ESRRG: variants seen among roughly 807,000 people sequenced by gnomAD.
The protein encoded by ESRRG is estrogen related receptor gamma.
A neutral mutation model predicts 44.0 loss-of-function variants in ESRRG; 13 were observed. That is an observed-to-expected ratio of 0.30 (90% confidence interval 0.19 to 0.47). The LOEUF (loss-of-function observed/expected upper bound fraction) is 0.47. ESRRG is among the 20% of genes least tolerant of loss of function. The probability of loss-of-function intolerance (pLI) is 1.00; values close to 1 mark genes in which losing one functional copy is unlikely to be tolerated. For missense variants in ESRRG, 395 were observed against 580.6 expected, an observed-to-expected ratio of 0.68 and a Z score of 3.29; for synonymous variants, 215 against 214.6, an observed-to-expected ratio of 1.00 and a Z score of -0.02.
intron 5 of ESRRG, among the ~76,000 whole-genome samples, chr1:216,528,199 A>G (rs1054577915): frequency 2.0e-5 from 3 of 152,186 alleles, no homozygotes; most frequent in Non-Finnish European, 4.4e-5. Flanking sequence ...CATTAATTCA[A>G]TGAATGTTTA....
At chr1:216,663,878 A>G (rs2073189984) in intron 2 of ESRRG, among the ~76,000 whole-genome samples, 1 of 152,154 alleles carries the variant, frequency 6.6e-6, no homozygotes, top group East Asian at 1.9e-4. Flanking sequence ...AATTGGGTGG[A>G]GAAAGGAATG....
intron 2 of ESRRG, among the ~76,000 whole-genome samples, chr1:216,936,283 G>A (rs2064138875): frequency 6.6e-6 from 1 of 152,134 alleles, no homozygotes; most frequent in Non-Finnish European, 1.5e-5. Context: ...CAATATGGTT[G>A]TCGTACTTGT....
intron 2 of ESRRG, chr1:216,864,453 A>G (rs1192093598): frequency 1.3e-5 from 2 of 152,046 alleles, no homozygotes; most frequent in Non-Finnish European, 1.5e-5. Flanking sequence ...AATGTCTGCT[A>G]TTGGATGAGG....
At position 216,587,258 on chromosome 1, in the gene ESRRG, A is replaced by G. The variant is rs182613887; in HGVS notation, c.590-19160T>C. Among the ~76,000 whole-genome samples the G allele has an allele frequency of 3.9e-5, 6 of 152,342 alleles. No individual in the cohort carries two copies. The East Asian group carries it at 1.2e-3, about 29-fold the overall frequency. On this transcript the variant is annotated intron_variant, in intron 3 of 6. Coordinates refer to ENST00000408911, the MANE Select transcript of ESRRG (RefSeq NM_001438.4). ...ATTACATCTGAAAAATCTCTAGTGC[A>G]TTTAGTAATGGTTAGACAATCTATA...
intron 1 of ESRRG, among the ~76,000 whole-genome samples, chr1:217,129,819 G>A (rs1335792237): frequency 6.6e-6 from 1 of 152,106 alleles, no homozygotes; most frequent in Non-Finnish European, 1.5e-5. Flanking sequence ...GAAGAATGAG[G>A]AGTGACTGTT....
intron 2 of ESRRG, among the ~76,000 whole-genome samples, chr1:216,746,439 T>C (rs1028206225): frequency 3.9e-5 from 6 of 152,258 alleles, no homozygotes; most frequent in African/African-American, 1.4e-4. Flanking sequence ...ATATATAGTG[T>C]TTTATATCCC....
intron 1 of ESRRG, among the ~76,000 whole-genome samples, chr1:217,117,458 G>A (rs927859330): frequency 6.6e-6 from 1 of 151,956 alleles, no homozygotes; most frequent in East Asian, 1.9e-4. Flanking sequence ...AGTGGTGCAT[G>A]CCTGTAGTCC....
intron 1 of ESRRG, among the ~76,000 whole-genome samples, chr1:216,956,480 C>T (rs1258789356): frequency 1.3e-5 from 2 of 152,134 alleles, no homozygotes; most frequent in African/African-American, 4.8e-5. Context: ...AGTTTTTATA[C>T]CAGTACCATG....
At chr1:216,590,772 A>T (rs2057518217) in intron 3 of ESRRG, among the ~76,000 whole-genome samples, 1 of 152,180 alleles carries the variant, frequency 6.6e-6, no homozygotes, top group South Asian at 2.1e-4. Context: ...TAATACAAGA[A>T]AGTATAAGCC....
intron 2 of ESRRG, chr1:216,855,053 G>C (rs375073819): frequency 6.6e-6 from 1 of 152,126 alleles, no homozygotes; most frequent in African/African-American, 2.4e-5. Flanking sequence ...GAGTCTGTCC[G>C]GTTAGGCTTT....
At chr1:217,129,156 G>A (rs1467571427) in intron 1 of ESRRG, among the ~76,000 whole-genome samples, 2 of 152,040 alleles carry the variant, frequency 1.3e-5, no homozygotes, top group African/African-American at 4.8e-5. Flanking sequence ...AGAGACAAAA[G>A]TCCCAATTTA....
At chr1:217,027,450 C>T (rs1024775828) in intron 1 of ESRRG, among the ~76,000 whole-genome samples, 7 of 152,064 alleles carry the variant, frequency 4.6e-5, no homozygotes, top group African/African-American at 1.2e-4. Flanking sequence ...AATTAGAAAT[C>T]GAGTTAAATC....
chr1:216,940,472 G>T (rs76097218), intron 1 of ESRRG, among the ~76,000 whole-genome samples: 3 of 152,164 alleles, frequency 2.0e-5, no homozygotes, highest in East Asian at 1.9e-4. Context: ...TGCAGCTCAG[G>T]GGGTGAGAAG....
intron 2 of ESRRG, among the ~76,000 whole-genome samples, chr1:216,791,410 C>A (rs988596273): frequency 6.6e-6 from 1 of 152,060 alleles, no homozygotes; most frequent in Non-Finnish European, 1.5e-5. Flanking sequence ...CACTATGCTT[C>A]CTAGACAGCC....
chr1:216,915,474 A>G (rs2061040194), intron 2 of ESRRG, among the ~76,000 whole-genome samples: 1 of 152,194 alleles, frequency 6.6e-6, no homozygotes, highest in South Asian at 2.1e-4. Flanking sequence ...GTGCTCTTTC[A>G]ACACTTTGAA....
intron 2 of ESRRG, among the ~76,000 whole-genome samples, chr1:216,653,616 C>T (rs1422612412): frequency 6.6e-6 from 1 of 152,142 alleles, no homozygotes; most frequent in Non-Finnish European, 1.5e-5. Context: ...TATTTCCAAG[C>T]CTCCTTGTTC....
rs1044235382 is a variant in ESRRG at position 217,108,975 on chromosome 1, T to C, written c.-230+28692A>G. On this transcript the variant is annotated intron_variant, in intron 1 of 8. Coordinates refer to the ESRRG transcript ENST00000366940. ...AATAAAACAAAACTGTTACATTAAA[T>C]GGATCTTTAAAAAATCATTACAACA... is the stretch of plus-strand genomic sequence containing the variant. Among the ~76,000 whole-genome samples, 5 of 152,196 alleles carry C rather than the reference T, an allele frequency of 3.3e-5. No homozygotes were observed. In the East Asian group the frequency reaches 7.7e-4, roughly 23 times the overall value.
intron 2 of ESRRG, among the ~76,000 whole-genome samples, chr1:216,922,602 C>A (rs1279029557): frequency 6.6e-6 from 1 of 152,176 alleles, no homozygotes; most frequent in Non-Finnish European, 1.5e-5. Context: ...CATTTTCATA[C>A]TCTAATCCTA....
At chr1:216,795,508 T>C (rs1290660035) in intron 2 of ESRRG, among the ~76,000 whole-genome samples, 1 of 151,842 alleles carries the variant, frequency 6.6e-6, no homozygotes, top group Non-Finnish European at 1.5e-5. Context: ...GCCTGGCTAA[T>C]TTTTGTATTT....
Sources: gnomAD v4.1 joint callset for allele counts (sites outside exome capture counted in the v4.1 genomes callset) on GRCh38, gnomAD v4.1.1 for gene constraint, MANE v1.5 for transcripts, NCBI Gene and HGNC (gene_info 2026-07-23, HGNC 2026-07-21) for gene names.